POLR3B: variants seen among roughly 807,000 people sequenced by gnomAD.
POLR3B encodes RNA polymerase III subunit B.
Under a neutral mutation model 147.4 loss-of-function variants are expected in POLR3B, and 96 were observed. The ratio of observed to expected loss-of-function variants is 0.65; its 90% CI spans 0.55 to 0.77. The LOEUF is 0.77. POLR3B is among the 30% of genes least tolerant of loss of function. The pLI, the probability that POLR3B is intolerant of heterozygous loss-of-function variation, is 0.00. For synonymous variants in POLR3B, 461 were observed against 485.9 expected, an observed-to-expected ratio of 0.95 and a Z score of 0.67; for missense variants, 1,036 against 1,413.5, an observed-to-expected ratio of 0.73 and a Z score of 4.28.
At chr12:106,469,945 G>A (rs1015065300) in intron 23 of POLR3B, among the ~76,000 whole-genome samples, 2 of 152,044 alleles carry the variant, frequency 1.3e-5, no homozygotes, top group African/African-American at 2.4e-5. Context: ...TGCTCTTCTC[G>A]AGGAGTATCT....
intron 12 of POLR3B, among the ~76,000 whole-genome samples, chr12:106,426,441 G>A (rs1438827015): frequency 6.6e-6 from 1 of 151,836 alleles, no homozygotes; most frequent in African/African-American, 2.4e-5. Flanking sequence ...AGTAGAGACA[G>A]GGTTTCACCA....
At chr12:106,424,556 G>A (rs764767439) in intron 12 of POLR3B, among the ~76,000 whole-genome samples, 8 of 152,146 alleles carry the variant, frequency 5.3e-5, no homozygotes, top group East Asian at 1.9e-4. Flanking sequence ...TACTTTCATT[G>A]TCATCCCTTT....
chr12:106,423,027 G>C (rs901675896), intron 12 of POLR3B, among the ~76,000 whole-genome samples: 3 of 151,924 alleles, frequency 2.0e-5, no homozygotes, highest in Non-Finnish European at 4.4e-5. Context: ...ACCTCTTTCA[G>C]ATTTATTTCT....
intron 9 of POLR3B, among the ~76,000 whole-genome samples, chr12:106,385,324 A>G (rs190231032): frequency 6.6e-6 from 1 of 152,338 alleles, no homozygotes; most frequent in Non-Finnish European, 1.5e-5. Context: ...GATTGTATAT[A>G]GGTATAAAAT....
rs962028709 is a variant in POLR3B, at chr12:106,358,034, G to T, written c.72+83G>T. 2.3e-5 allele frequency: 36 copies of T among 1,572,800 alleles called. No homozygotes were observed. The African/African-American group carries it at 3.9e-4, about 17-fold the overall frequency. ...GCCCGGAGTGCTCGGGCCGCCAAGG[G>T]GGCGGGCTGGCGGTTTGTGCGCATG... On this transcript the variant is annotated intron_variant, in intron 1 of 27. Coordinates refer to ENST00000228347, the MANE Select transcript of POLR3B (RefSeq NM_018082.6).
intron 12 of POLR3B, among the ~76,000 whole-genome samples, chr12:106,417,766 C>T (rs2037324622): frequency 6.6e-6 from 1 of 151,974 alleles, no homozygotes; most frequent in South Asian, 2.1e-4. Flanking sequence ...TATGGGTATC[C>T]TCACCATCAA....
rs529084719 is a variant in POLR3B at position 106,413,165 on chromosome 12, C to T, written c.1101+2205C>T. On this transcript the variant is annotated intron_variant, in intron 12 of 27. Coordinates refer to ENST00000228347, the MANE Select transcript of POLR3B (RefSeq NM_018082.6). ...AGTCCTATTTGTCTATTATTTTCTC[C>T]TGTTGCCAGTGCTTTTGGTGTCATA... Among the ~76,000 whole-genome samples, 3 of 152,112 alleles carry T rather than the reference C, an allele frequency of 2.0e-5. No individual in the cohort carries two copies. In the East Asian group the frequency reaches 5.8e-4, roughly 29 times the overall value.
intron 18 of POLR3B, among the ~76,000 whole-genome samples, chr12:106,440,431 A>G (rs995499543): frequency 3.3e-5 from 5 of 152,202 alleles, no homozygotes; most frequent in African/African-American, 4.8e-5. Context: ...GGTCTCCCTC[A>G]GAAGTCCTTA....
At chr12:106,430,021 G>A (rs1256197146) in intron 13 of POLR3B, among the ~76,000 whole-genome samples, 1 of 152,182 alleles carries the variant, frequency 6.6e-6, no homozygotes, top group African/African-American at 2.4e-5. Flanking sequence ...CTCTGATGTG[G>A]TAAGGTTATG....
At chr12:106,506,650 A>G (rs2038692963) in intron 27 of POLR3B, among the ~76,000 whole-genome samples, 1 of 152,150 alleles carries the variant, frequency 6.6e-6, no homozygotes, top group African/African-American at 2.4e-5. Context: ...TGTGTATTGT[A>G]TTTGAAATCC....
intron 19 of POLR3B, among the ~76,000 whole-genome samples, 176 bp downstream of exon 19, chr12:106,444,766 G>C (rs1455444362): frequency 6.6e-6 from 1 of 152,150 alleles, no homozygotes; most frequent in Non-Finnish European, 1.5e-5. Context: ...TTGGTGCCCT[G>C]CTATGTCTAA....
chr12:106,400,404 T>C (rs1238420726), intron 10 of POLR3B, among the ~76,000 whole-genome samples: 1 of 152,180 alleles, frequency 6.6e-6, no homozygotes. Context: ...AACACCCCAC[T>C]GTCAACATTA....
chr12:106,485,587 A>G (rs1054406663), intron 23 of POLR3B, among the ~76,000 whole-genome samples: 2 of 152,182 alleles, frequency 1.3e-5, no homozygotes, highest in African/African-American at 4.8e-5. Context: ...CTGGAGATAG[A>G]GCCAACAGGA....
chr12:106,433,865 CTATGCAGGTATA>C lies in POLR3B; in HGVS notation c.1781+3_1781+14del, dbSNP rs1473656067. The C allele has an allele frequency of 3.1e-6, 5 of 1,612,858 alleles. No individual in the cohort carries two copies. Among genetic ancestry groups the C allele is most frequent in the Non-Finnish European group, 4.2e-6 (5 of 1,179,154 alleles). On this transcript the variant is annotated splice_donor_variant and splice_donor_5th_base_variant and coding_sequence_variant and intron_variant, in exon 16 of 28. Coordinates refer to ENST00000228347, the MANE Select transcript of POLR3B (RefSeq NM_018082.6). LOFTEE classifies it high-confidence loss of function. ...CTATATTTCTTCTGATGGGGGAAGGCTATGCAGGTATATATGCAGGTTACTAAAAAGAGTTTT... is the reference window on the plus strand; with the variant it reads ...CTATATTTCTTCTGATGGGGGAAGGCTATGCAGGTTACTAAAAAGAGTTTT...
intron 6 of POLR3B, among the ~76,000 whole-genome samples, chr12:106,371,458 TA>T (rs2036605923): frequency 6.6e-6 from 1 of 152,046 alleles, no homozygotes; most frequent in Non-Finnish European, 1.5e-5. Flanking sequence ...CAAAGGACTA[TA>T]AATCATGCTG....
intron 10 of POLR3B, among the ~76,000 whole-genome samples, chr12:106,401,423 A>G (rs1050258776): frequency 6.6e-6 from 1 of 152,216 alleles, no homozygotes; most frequent in Non-Finnish European, 1.5e-5. Flanking sequence ...AACTGTTCCA[A>G]TCAATAGAAA....
intron 1 of POLR3B, among the ~76,000 whole-genome samples, chr12:106,360,366 C>A (rs572465566): frequency 1.3e-5 from 2 of 152,148 alleles, no homozygotes; most frequent in Non-Finnish European, 2.9e-5. Flanking sequence ...ATGGTTCCCC[C>A]CTCTCCCTCC....
At chr12:106,416,942 C>T (rs1433651903) in intron 12 of POLR3B, among the ~76,000 whole-genome samples, 1 of 152,188 alleles carries the variant, frequency 6.6e-6, no homozygotes, top group Admixed American at 6.5e-5. Context: ...CTTTCACCCT[C>T]TCTCTAAAGA....
chr12:106,425,945 T>G (rs2037428390), intron 12 of POLR3B, among the ~76,000 whole-genome samples: 1 of 152,202 alleles, frequency 6.6e-6, no homozygotes, highest in Non-Finnish European at 1.5e-5. Flanking sequence ...TTGCTGAGTA[T>G]TTGTTTTTAA....
Sources: allele counts gnomAD v4.1 joint callset (sites outside exome capture counted in the v4.1 genomes callset), GRCh38; gene constraint gnomAD v4.1.1; transcripts MANE v1.5; gene names NCBI Gene and HGNC (gene_info 2026-07-23, HGNC 2026-07-21).